ZNF395: variants seen among roughly 807,000 people sequenced by gnomAD.
ZNF395 encodes HD gene regulatory region-binding protein 2.
In ZNF395, 20 loss-of-function variants were observed where a neutral mutation model predicts 57.7. The ratio of observed to expected loss-of-function variants is 0.35; its 90% confidence interval spans 0.24 to 0.50. The LOEUF (loss-of-function observed/expected upper bound fraction) is 0.50. Among genes scored for constraint, ZNF395 ranks in the 20% least tolerant of loss-of-function variants. The probability of loss-of-function intolerance (pLI) is 0.97; values close to 1 mark genes in which losing one functional copy is unlikely to be tolerated. For missense variants in ZNF395, 606 were observed against 671.2 expected (o/e 0.90, Z 1.07); for synonymous variants, 295 against 275.9 (o/e 1.07, Z -0.69).
At chr8:28,370,365 T>C (rs1317275816) in intron 1 of ZNF395, among the ~76,000 whole-genome samples, 1 of 152,170 alleles carries the variant, frequency 6.6e-6, no homozygotes, top group African/African-American at 2.4e-5. Context: ...CGCCCAGGGC[T>C]CAAACCACTA....
chr8:28,349,655 G>C (rs1462286768), intron 8 of ZNF395, among the ~76,000 whole-genome samples: 1 of 152,190 alleles, frequency 6.6e-6, no homozygotes, highest in Non-Finnish European at 1.5e-5. Flanking sequence ...GTCCACCTAT[G>C]GCCCTTGTCT....
intron 7 of ZNF395, 52 bp from the exon 8 acceptor site, chr8:28,350,208 G>A: frequency 6.8e-7 from 1 of 1,478,452 alleles, no homozygotes; most frequent in Non-Finnish European, 9.2e-7. Flanking sequence ...AGTGTTCAGA[G>A]TCTGCCCACA....
intron 1 of ZNF395, among the ~76,000 whole-genome samples, chr8:28,361,983 C>T (rs1357987029): frequency 1.3e-5 from 2 of 151,486 alleles, no homozygotes; most frequent in East Asian, 1.9e-4. Context: ...CCCAGCTACT[C>T]GGGATGCTGA....
At chr8:28,353,078 G>A in intron 5 of ZNF395, 95 bp downstream of exon 5, 1 of 1,174,118 alleles carries the variant, frequency 8.5e-7, no homozygotes, top group African/African-American at 1.5e-5. Context: ...AGACTATCTA[G>A]GGCCTGCAGG....
intron 1 of ZNF395, among the ~76,000 whole-genome samples, chr8:28,380,203 C>T (rs1052679088): frequency 6.6e-6 from 1 of 152,132 alleles, no homozygotes; most frequent in African/African-American, 2.4e-5. Flanking sequence ...TCATCATCTA[C>T]ATTGTGGATA....
chr8:28,351,408 C>T (rs568339866), intron 7 of ZNF395, 87 bp downstream of exon 7: 483 of 1,437,414 alleles, frequency 3.4e-4, no homozygotes, highest in Non-Finnish European at 4.2e-4. Flanking sequence ...GCTCAGCCTT[C>T]CATCAGGGTG....
rs1430723057 is a variant in ZNF395, at chr8:28,352,984, G to A, written c.819+189C>T. Among the ~76,000 whole-genome samples, 1 of 152,198 alleles carries A rather than the reference G, an allele frequency of 6.6e-6. No individual in the cohort carries two copies. Among genetic ancestry groups the A allele is most frequent in the Non-Finnish European group, 1.5e-5 (1 of 68,028 alleles). ...TTGGGGTGGAGGCTAAAACAGAAGA[G>A]GCTTTAAATAGGAGAAGGAGAATCC... is the stretch of plus-strand genomic sequence containing the variant. On this transcript the variant is annotated intron_variant, in intron 5 of 9. Transcript: ENST00000344423. The surrounding 1 kb of genome is among the most constrained non-coding windows in gnomAD (Gnocchi z 4.0).
chr8:28,373,466 A>T (rs1303239447), intron 1 of ZNF395, among the ~76,000 whole-genome samples: 1 of 152,028 alleles, frequency 6.6e-6, no homozygotes, highest in Non-Finnish European at 1.5e-5. Context: ...GCCTTTAAAG[A>T]ACATCATGCT....
At chr8:28,358,138 TTTTC>T (rs1445280639) in intron 3 of ZNF395, among the ~76,000 whole-genome samples, 1 of 148,720 alleles carries the variant, frequency 6.7e-6, no homozygotes, top group Non-Finnish European at 1.5e-5. Context: ...TTGTGGGTTT[TTTTC>T]TTTTTTTTCT....
In ZNF395 at chr8:28,345,869, T is replaced by C. The variant is rs1268548368; in HGVS notation, c.*2850A>G. The C allele has an allele frequency of 6.6e-6, 1 of 152,206 alleles. No homozygotes were observed. Among genetic ancestry groups the C allele is most frequent in the African/African-American group, 2.4e-5 (1 of 41,314 alleles). The allele number at this position is 152,206 out of a possible 1,614,324, so 9.4% of individuals were successfully genotyped here. A position where few individuals can be genotyped will look rare whatever the true frequency, so the allele number is the denominator to read the frequency against. ...GTCTCCACAACCAAATGAATATTGT[T>C]CTCCAAGGAGTCAAGCTATAGACTC... is the stretch of plus-strand genomic sequence containing the variant. On this transcript the variant is annotated 3_prime_UTR_variant, in exon 10 of 10. Transcript: ENST00000344423.
At chr8:28,368,762 G>A (rs1172838234) in intron 1 of ZNF395, among the ~76,000 whole-genome samples, 2 of 151,848 alleles carry the variant, frequency 1.3e-5, no homozygotes, top group African/African-American at 2.4e-5. Context: ...AATCCCAAGA[G>A]GACAAAAAGG....
intron 1 of ZNF395, among the ~76,000 whole-genome samples, chr8:28,371,443 A>ATGGTATGTGCGACCT (rs1801975429): frequency 6.6e-6 from 1 of 152,204 alleles, no homozygotes; most frequent in Non-Finnish European, 1.5e-5. Context: ...GGCCTTCTAA[A>ATGGTATGTGCGACCT]GTGCTAGGAT....
rs771646593 is a variant in ZNF395, at chr8:28,356,740, GGCC to G, written c.510_512del (p.Ala171del). The G allele has an allele frequency of 2.5e-6, 4 of 1,614,096 alleles. No individual in the cohort carries two copies. Among genetic ancestry groups the G allele is most frequent in the East Asian group, 2.2e-5 (1 of 44,894 alleles). On this transcript the variant is annotated inframe_deletion, in exon 4 of 10. Coordinates refer to ENST00000344423, the MANE Select transcript of ZNF395 (RefSeq NM_018660.3). The surrounding 1 kb of genome is among the most constrained non-coding windows in gnomAD (Gnocchi z 4.0). ...TGCAGGACAGGGACGTCAGCACCAT[GGCC>G]GCCATCATCTCATCCATTTCCACTG... is the stretch of plus-strand genomic sequence containing the variant.
At chr8:28,386,305 G>T (rs1280696722) in intron 1 of ZNF395, 88 bp downstream of exon 1, 2 of 150,832 alleles carry the variant, frequency 1.3e-5, no homozygotes, top group South Asian at 2.0e-4. Flanking sequence ...GCCCAGCGGC[G>T]ACACTCGGGA....
At chr8:28,372,060 TA>T (rs952145627) in intron 1 of ZNF395, among the ~76,000 whole-genome samples, 1 of 151,690 alleles carries the variant, frequency 6.6e-6, no homozygotes, top group African/African-American at 2.4e-5. Flanking sequence ...AAAATAGTTT[TA>T]AAAAAAAGCT....
intron 1 of ZNF395, among the ~76,000 whole-genome samples, chr8:28,371,539 C>T (rs540207701): frequency 6.6e-6 from 1 of 152,254 alleles, no homozygotes; most frequent in East Asian, 1.9e-4. Context: ...AAGTGACAGA[C>T]CAAACTAGAT....
rs1334564444 is a variant in ZNF395, at chr8:28,348,618, C to T, written c.*101G>A. ...CAACAGAGCCCAAACTCCGTGTTTCCGTTCTTTCTCTTTCGGTTTCTGCTG... is the reference window on the plus strand; with the variant it reads ...CAACAGAGCCCAAACTCCGTGTTTCTGTTCTTTCTCTTTCGGTTTCTGCTG... On this transcript the variant is annotated 3_prime_UTR_variant, in exon 10 of 10. Coordinates refer to ENST00000344423, the MANE Select transcript of ZNF395 (RefSeq NM_018660.3). 8.4e-6 allele frequency: 9 copies of T among 1,066,150 alleles called. No individual in the cohort carries two copies. Among genetic ancestry groups the T allele is most frequent in the South Asian group, 2.6e-5 (2 of 77,548 alleles). The allele number at this position is 1,066,150 out of a possible 1,614,324, so 66.0% of individuals were successfully genotyped here. A position where few individuals can be genotyped will look rare whatever the true frequency, so the allele number is the denominator to read the frequency against.
intron 1 of ZNF395, among the ~76,000 whole-genome samples, chr8:28,385,613 G>A (rs954989773): frequency 1.3e-5 from 2 of 149,872 alleles, no homozygotes; most frequent in Non-Finnish European, 3.0e-5. Flanking sequence ...GAGTGGGCAG[G>A]AACCGGCAGA....
chr8:28,348,855 C>A (rs1175316475), intron 9 of ZNF395, 25 bp from the exon 10 acceptor site: 2 of 1,611,704 alleles, frequency 1.2e-6, no homozygotes, highest in South Asian at 1.1e-5. Context: ...GAATGCAAAT[C>A]GAGCCCCACA....
Sources: gnomAD v4.1 joint callset for allele counts (sites outside exome capture counted in the v4.1 genomes callset) on GRCh38, gnomAD v4.1.1 for gene constraint, Gnocchi (gnomAD v3.1) non-coding constraint, MANE v1.5 for transcripts, NCBI Gene and HGNC (gene_info 2026-07-23, HGNC 2026-07-21) for gene names.